The following NCKAP5 variants were observed in gnomAD, a reference collection of about 807,000 sequenced individuals.
NCKAP5 encodes the protein nck-associated protein 5.
A neutral mutation model predicts 167.0 loss-of-function variants in NCKAP5; 92 were observed. The ratio of observed to expected loss-of-function variants is 0.55; its 90% CI spans 0.47 to 0.66. The LOEUF (loss-of-function observed/expected upper bound fraction) is 0.66, where lower values mean the gene tolerates loss of function less well. Ranked by LOEUF, NCKAP5 falls within the 30% of genes least tolerant of loss-of-function variation. The pLI, the probability that NCKAP5 is intolerant of heterozygous loss-of-function variation, is 0.00. For missense variants in NCKAP5, 2,378 were observed against 2,315.0 expected (o/e 1.03, Z -0.56); for synonymous variants, 891 against 877.4 (o/e 1.02, Z -0.27).
At chr2:133,619,561 A>G in the NCKAP5 span, among the ~76,000 whole-genome samples, 2 of 152,070 alleles carry the variant, frequency 1.3e-5, no homozygotes, top group Non-Finnish European at 2.9e-5. Flanking sequence ...ATGGAAAAAT[A>G]TGAACAAAGC....
chr2:132,968,386 C>T (rs977038552), intron 7 of NCKAP5, among the ~76,000 whole-genome samples: 2 of 152,114 alleles, frequency 1.3e-5, no homozygotes, highest in East Asian at 1.9e-4. Flanking sequence ...GCAGTTTTTA[C>T]GGTGGTTCAG....
chr2:133,131,049 T>G (rs543825211), intron 5 of NCKAP5, among the ~76,000 whole-genome samples: 37 of 152,318 alleles, frequency 2.4e-4, no homozygotes, highest in African/African-American at 8.9e-4. Flanking sequence ...CCAAACACTA[T>G]GACTGTGTAC....
chr2:133,664,394 C>T, the NCKAP5 span, among the ~76,000 whole-genome samples: 2 of 152,176 alleles, frequency 1.3e-5, no homozygotes, highest in Admixed American at 6.5e-5. Context: ...GCCTGTCCTT[C>T]GAAGCTTTGA....
chr2:133,008,336 C>T (rs1366988713), intron 6 of NCKAP5, among the ~76,000 whole-genome samples: 3 of 152,164 alleles, frequency 2.0e-5, no homozygotes, highest in Non-Finnish European at 4.4e-5. Flanking sequence ...GAATTGTCCA[C>T]ATATGCATTC....
Position 132,831,149 on chromosome 2 carries a change from G to A in NCKAP5, c.807+29343C>T, listed in dbSNP as rs142246173. ...ATCAGTTTTACTCACTTTTCCCACC[G>A]CATGGTGCTCCATCACACGGAAGAA... is the stretch of plus-strand genomic sequence containing the variant. On this transcript the variant is annotated intron_variant, in intron 11 of 19. Transcript: ENST00000409261. Among the ~76,000 whole-genome samples the A allele has an allele frequency of 1.6e-4, 25 of 152,196 alleles. No homozygotes were observed. The East Asian group carries it at 4.2e-3, about 26-fold the overall frequency.
chr2:133,667,680 A>G, the NCKAP5 span, among the ~76,000 whole-genome samples: 7 of 152,162 alleles, frequency 4.6e-5, no homozygotes, highest in African/African-American at 1.7e-4. Flanking sequence ...ATTGACATCT[A>G]TTTACACCCT....
chr2:133,060,615 A>G (rs911586037), intron 6 of NCKAP5, among the ~76,000 whole-genome samples: 2 of 152,168 alleles, frequency 1.3e-5, no homozygotes, highest in African/African-American at 4.8e-5. Flanking sequence ...TTTAAATGCC[A>G]TCAAGAATCT....
intron 6 of NCKAP5, among the ~76,000 whole-genome samples, chr2:133,004,373 T>C (rs1396293906): frequency 1.3e-5 from 2 of 152,168 alleles, no homozygotes; most frequent in African/African-American, 4.8e-5. Flanking sequence ...CTTTTCTATT[T>C]TCCCTAAGTG....
intron 4 of NCKAP5, among the ~76,000 whole-genome samples, chr2:133,280,082 T>C (rs933441718): frequency 1.3e-5 from 2 of 152,230 alleles, no homozygotes; most frequent in Non-Finnish European, 2.9e-5. Flanking sequence ...ACATATATAG[T>C]ACCTGTATTT....
At chr2:133,003,102 T>G (rs2077843359) in intron 6 of NCKAP5, among the ~76,000 whole-genome samples, 1 of 152,198 alleles carries the variant, frequency 6.6e-6, no homozygotes, top group Admixed American at 6.5e-5. Flanking sequence ...ATTACCTTAA[T>G]GAGGAAAGGT....
chr2:133,596,760 G>A, the NCKAP5 span, among the ~76,000 whole-genome samples: 2 of 139,628 alleles, frequency 1.4e-5, no homozygotes, highest in Non-Finnish European at 3.0e-5. Context: ...GGTACCACCT[G>A]GAGCTGTTAT....
At chr2:133,110,577 C>A (rs997118263) in intron 6 of NCKAP5, among the ~76,000 whole-genome samples, 2 of 152,104 alleles carry the variant, frequency 1.3e-5, no homozygotes, top group Non-Finnish European at 2.9e-5. Flanking sequence ...AATATCATTC[C>A]AGATAAATTA....
intron 3 of NCKAP5, among the ~76,000 whole-genome samples, chr2:133,347,124 G>A (rs1684030664): frequency 6.6e-6 from 1 of 152,156 alleles, no homozygotes; most frequent in Non-Finnish European, 1.5e-5. Context: ...AGATAAGGCT[G>A]GAAGGAAATA....
chr2:132,696,980 C>A (rs538463294), intron 19 of NCKAP5, among the ~76,000 whole-genome samples: 1 of 152,112 alleles, frequency 6.6e-6, no homozygotes, highest in African/African-American at 2.4e-5. Flanking sequence ...CTGGACTTCC[C>A]GGGCTCAAGC....
intron 8 of NCKAP5, among the ~76,000 whole-genome samples, chr2:132,895,328 TTGTC>T (rs1693093012): frequency 6.9e-6 from 1 of 144,780 alleles, no homozygotes; most frequent in African/African-American, 2.7e-5. Context: ...CTTTGAGACT[TTGTC>T]TGAGACTCTG....
chr2:132,963,173 C>T (rs760265584), intron 8 of NCKAP5, among the ~76,000 whole-genome samples: 1 of 152,170 alleles, frequency 6.6e-6, no homozygotes, highest in African/African-American at 2.4e-5. Flanking sequence ...TATCATATCC[C>T]GGTCTGGAGG....
At chr2:133,601,005 T>C in the NCKAP5 span, among the ~76,000 whole-genome samples, 2 of 152,234 alleles carry the variant, frequency 1.3e-5, no homozygotes, top group South Asian at 4.1e-4. Flanking sequence ...AAACTTGTTT[T>C]CTCACGTAAG....
chr2:133,377,907 G>A (rs940628445), intron 3 of NCKAP5, among the ~76,000 whole-genome samples: 1 of 152,116 alleles, frequency 6.6e-6, no homozygotes, highest in Non-Finnish European at 1.5e-5. Context: ...ATCCACACAG[G>A]GAGCAGTCTA....
chr2:132,725,270 A>G (rs552414654), intron 19 of NCKAP5, among the ~76,000 whole-genome samples: 1 of 152,352 alleles, frequency 6.6e-6, no homozygotes, highest in Admixed American at 6.5e-5. Context: ...GAGAGCCTGG[A>G]AAACTCCATC....
Sources: gnomAD v4.1 joint callset for allele counts (sites outside exome capture counted in the v4.1 genomes callset) on GRCh38, gnomAD v4.1.1 for gene constraint, MANE v1.5 for transcripts, NCBI Gene and HGNC (gene_info 2026-07-23, HGNC 2026-07-21) for gene names.